DNAH11: variants seen among roughly 807,000 people sequenced by gnomAD.
The protein encoded by DNAH11 is axonemal beta dynein heavy chain 11.
In DNAH11, 442 loss-of-function variants were observed where a neutral mutation model predicts 526.0. The ratio of observed to expected loss-of-function variants is 0.84; its 90% confidence interval spans 0.78 to 0.91. DNAH11 has a LOEUF of 0.91. Among genes scored for constraint, DNAH11 ranks in the 40% least tolerant of loss-of-function variants. DNAH11 has a pLI of 0.00. For missense variants in DNAH11, 6,989 were observed against 5,448.7 expected (o/e 1.28, Z -8.90); for synonymous variants, 2,461 against 1,935.9 (o/e 1.27, Z -7.12).
intron 68 of DNAH11, among the ~76,000 whole-genome samples, chr7:21,856,705 G>T (rs183555356): frequency 2.0e-3 from 309 of 151,902 alleles, no homozygotes; most frequent in Non-Finnish European, 3.8e-3. Context: ...TAATTAATCA[G>T]TTAACAGAAT....
rs769315133 is a variant in DNAH11, at chr7:21,615,266, T to C, written c.4005T>C (p.Tyr1335=). 5 of 1,611,490 alleles carry C rather than the reference T, an allele frequency of 3.1e-6. No homozygotes were observed. The highest frequency in any genetic ancestry group is 4.2e-6 in the Non-Finnish European group (5 of 1,178,708). Residue 1335 remains tyrosine (Y), a synonymous_variant, in exon 21 of 82, where the codon TAT becomes TAC. Coordinates refer to ENST00000409508, the MANE Select transcript of DNAH11 (RefSeq NM_001277115.2). ...AGGGACTGTGGGATGTCATTATTTATGTTCGAGTAAGATGTGCTTTTTCAA... is the reference window on the plus strand; with the variant it reads ...AGGGACTGTGGGATGTCATTATTTACGTTCGAGTAAGATGTGCTTTTTCAA... ...LLKGLWDVII[Y]VRRSIDNWTK... is the part of the protein sequence containing the mutation.
intron 46 of DNAH11, among the ~76,000 whole-genome samples, chr7:21,738,261 G>A (rs1316894244): frequency 6.6e-6 from 1 of 152,092 alleles, no homozygotes; most frequent in Non-Finnish European, 1.5e-5. Flanking sequence ...GCACTCCAGC[G>A]GCCTAAGAAG....
chr7:21,617,760 C>T lies in DNAH11; in HGVS notation c.4237C>T (p.Leu1413=). The T allele has an allele frequency of 6.2e-7, 1 of 1,603,644 alleles. No individual in the cohort carries two copies. Among genetic ancestry groups the T allele is most frequent in the Non-Finnish European group, 8.5e-7 (1 of 1,175,586 alleles). Residue 1413 remains leucine, a synonymous_variant, in exon 23 of 82, where the codon CTG becomes TTG. Transcript: ENST00000409508. ...PALRDRHWHQ[L]MKAIGVKFLI... ...CCTCAGGGACAGGCATTGGCACCAG[C>T]TGATGAAAGCTATTGGGGTCAGTAT...
intron 28 of DNAH11, among the ~76,000 whole-genome samples, chr7:21,648,452 C>G (rs1475070773): frequency 6.6e-6 from 1 of 152,154 alleles, no homozygotes; most frequent in African/African-American, 2.4e-5. Flanking sequence ...TCTTTGAAAA[C>G]CTGTAACCAT....
chr7:21,779,978 G>C (rs915402709), intron 57 of DNAH11, among the ~76,000 whole-genome samples: 4 of 151,680 alleles, frequency 2.6e-5, no homozygotes, highest in Non-Finnish European at 4.4e-5. Context: ...GAAAATATTT[G>C]AGTTTTTCCA....
chr7:21,898,638 G>T (rs560295097), intron 79 of DNAH11, among the ~76,000 whole-genome samples: 1 of 151,978 alleles, frequency 6.6e-6, no homozygotes, highest in South Asian at 2.1e-4. Context: ...TAATTTTATC[G>T]AAGAGGTTCA....
chr7:21,624,075 A>G (rs1343379807), intron 25 of DNAH11, among the ~76,000 whole-genome samples: 1 of 152,056 alleles, frequency 6.6e-6, no homozygotes, highest in Non-Finnish European at 1.5e-5. Flanking sequence ...TAAAGGTCTC[A>G]CCTCAAACAC....
chr7:21,637,663 G>T lies in DNAH11; in HGVS notation c.4778G>T (p.Arg1593Ile). 7 of 1,583,036 alleles carry T rather than the reference G, an allele frequency of 4.4e-6. No individual in the cohort carries two copies. Among genetic ancestry groups the T allele is most frequent in the Non-Finnish European group, 4.3e-6 (5 of 1,164,250 alleles). The part of the protein sequence containing the change: ...KVENVLEATC[R>I]PNLYEKLKDL... ...GAAAATGTGTTAGAAGCAACGTGCA[G>T]ACCTAATCTCTATGAAAAACTTAAA... The change falls in exon 27 of 82, where the codon AGA (arginine) becomes ATA (isoleucine). Residue 1593 changes from arginine (R) to isoleucine (I), a missense_variant. Transcript: ENST00000409508.
At chr7:21,563,515 A>T (rs1454277758) in intron 5 of DNAH11, among the ~76,000 whole-genome samples, 1 of 152,190 alleles carries the variant, frequency 6.6e-6, no homozygotes, top group Non-Finnish European at 1.5e-5. Context: ...ATTTAAAAAA[A>T]ATATTTACCA....
In DNAH11 at chr7:21,726,935, C is replaced by CTTTTTTTTTTTTTTT. The variant is rs1330445927; in HGVS notation, c.7440+953_7440+967dup. Among the ~76,000 whole-genome samples, 10 of 31,990 alleles carry CTTTTTTTTTTTTTTT rather than the reference C, an allele frequency of 3.1e-4. 3 individuals carry two copies. Among genetic ancestry groups the CTTTTTTTTTTTTTTT allele is most frequent in the African/African-American group, 7.3e-4 (5 of 6,842 alleles). 21.0% of individuals were successfully genotyped at this position (31,990 alleles called of 152,430 possible). A position where few individuals can be genotyped will look rare whatever the true frequency, so the allele number is the denominator to read the frequency against. ...CTGTTATATTTCTGCATCCTCTTTT[C>CTTTTTTTTTTTTTTT]TTTTTTTTTTTTTTTTGAGATGGAG... is the stretch of plus-strand genomic sequence containing the variant. On this transcript the variant is annotated intron_variant, in intron 45 of 81. Transcript: ENST00000409508.
chr7:21,837,869 G>A (rs774687116), intron 65 of DNAH11, among the ~76,000 whole-genome samples: 35 of 152,244 alleles, frequency 2.3e-4, no homozygotes, highest in Non-Finnish European at 4.1e-4. Context: ...TGATCAATGA[G>A]ATGATGGATA....
At chr7:21,604,366 C>G (rs1785204128) in intron 18 of DNAH11, among the ~76,000 whole-genome samples, 2 of 152,130 alleles carry the variant, frequency 1.3e-5, no homozygotes, top group Non-Finnish European at 2.9e-5. Context: ...CCCATTCCTC[C>G]TCACACCCCA....
chr7:21,594,544 A>G (rs1224850175), intron 14 of DNAH11, among the ~76,000 whole-genome samples: 1 of 152,088 alleles, frequency 6.6e-6, no homozygotes, highest in East Asian at 1.9e-4. Flanking sequence ...GGAATTCTGG[A>G]GGGTGGGGTC....
chr7:21,797,848 A>G (rs929778196), intron 61 of DNAH11, among the ~76,000 whole-genome samples: 1 of 152,206 alleles, frequency 6.6e-6, no homozygotes, highest in Non-Finnish European at 1.5e-5. Flanking sequence ...ACCAAAGTGA[A>G]TTTGTATCCC....
At chr7:21,583,298 T>C (rs1276897031) in intron 9 of DNAH11, among the ~76,000 whole-genome samples, 1 of 151,996 alleles carries the variant, frequency 6.6e-6, no homozygotes, top group African/African-American at 2.4e-5. Flanking sequence ...TCTACAACCA[T>C]GTGATCTTTG....
intron 41 of DNAH11, among the ~76,000 whole-genome samples, chr7:21,711,126 T>C (rs1278754009): frequency 1.3e-5 from 2 of 150,920 alleles, no homozygotes; most frequent in African/African-American, 2.4e-5. Context: ...CCCAAGCTTT[T>C]TTGCCACAGT....
Position 21,600,889 on chromosome 7 carries a change from A to T in DNAH11, c.3214A>T (p.Ile1072Phe). The change falls in exon 16 of 82, where the codon ATT (isoleucine) becomes TTT (phenylalanine). Residue 1072 changes from isoleucine (I) to phenylalanine (F), a missense_variant. By Grantham distance (21) the Ile-to-Phe change is conservative. Coordinates refer to ENST00000409508, the MANE Select transcript of DNAH11 (RefSeq NM_001277115.2). ...DEMDAHANEEIPEQPPTLEQF... is the reference protein window; with the variant it reads ...DEMDAHANEEFPEQPPTLEQF... ...AATGGATGCTCATGCAAATGAAGAA[A>T]TTCCCGAACAACCACCAACTCTTGA... The T allele has an allele frequency of 6.2e-7, 1 of 1,613,956 alleles. No individual in the cohort carries two copies. Among genetic ancestry groups the T allele is most frequent in the Non-Finnish European group, 8.5e-7 (1 of 1,179,858 alleles).
At chr7:21,878,951 C>T (rs1783810934) in intron 74 of DNAH11, among the ~76,000 whole-genome samples, 1 of 152,182 alleles carries the variant, frequency 6.6e-6, no homozygotes, top group Non-Finnish European at 1.5e-5. Context: ...GCCTCTTCCT[C>T]CCCTGTTGCT....
chr7:21,569,165 T>G (rs1562667446), intron 6 of DNAH11, among the ~76,000 whole-genome samples: 1 of 152,214 alleles, frequency 6.6e-6, no homozygotes, highest in Non-Finnish European at 1.5e-5. Flanking sequence ...TATGCCTACA[T>G]TTAGGGAAGA....
Sources: allele counts gnomAD v4.1 joint callset (sites outside exome capture counted in the v4.1 genomes callset), GRCh38; gene constraint gnomAD v4.1.1; transcripts MANE v1.5; gene names NCBI Gene and HGNC (gene_info 2026-07-23, HGNC 2026-07-21).